SHC2: variants seen among roughly 807,000 people sequenced by gnomAD.
SHC2 encodes the protein SHC-transforming protein 2.
In SHC2, 62 loss-of-function variants were observed where a neutral mutation model predicts 60.6. The ratio of observed to expected loss-of-function variants is 1.02; its 90% CI spans 0.83 to 1.26. The LOEUF (loss-of-function observed/expected upper bound fraction) is 1.26, where lower values mean the gene tolerates loss of function less well. Among genes scored for constraint, SHC2 ranks in the 50% most tolerant of loss-of-function variants. The probability of loss-of-function intolerance (pLI) is 0.00; values close to 1 mark genes in which losing one functional copy is unlikely to be tolerated. For missense variants in SHC2, 873 were observed against 822.2 expected (o/e 1.06, Z -0.76); for synonymous variants, 375 against 372.4 (o/e 1.01, Z -0.08).
At chr19:459,049 T>C (rs1036936941) in intron 1 of SHC2, among the ~76,000 whole-genome samples, 6 of 152,110 alleles carry the variant, frequency 3.9e-5, no homozygotes, top group African/African-American at 1.4e-4. Context: ...AAGTTCCTTC[T>C]CCTTACAGAG....
chr19:425,033 G>T lies in SHC2; in HGVS notation c.1309+64C>A. 7.5e-7 allele frequency: 1 copy of T among 1,331,196 alleles called. No individual in the cohort carries two copies. Among genetic ancestry groups the T allele is most frequent in the Non-Finnish European group, 9.7e-7 (1 of 1,028,494 alleles). The allele number at this position is 1,331,196 out of a possible 1,614,324, so 82.5% of individuals were successfully genotyped here. A position where few individuals can be genotyped will look rare whatever the true frequency, so the allele number is the denominator to read the frequency against. On this transcript the variant is annotated intron_variant, in intron 10 of 12. Coordinates refer to ENST00000264554, the MANE Select transcript of SHC2 (RefSeq NM_012435.3). The surrounding 1 kb of genome is among the most constrained non-coding windows in gnomAD (Gnocchi z 4.1). Reference sequence around the variant, plus strand: ...TCCCGTAGGGAGTGGGGGTGGGGTTGTGCCTCCCCCATCAGACAACACGGC... The same window carrying T: ...TCCCGTAGGGAGTGGGGGTGGGGTTTTGCCTCCCCCATCAGACAACACGGC...
In SHC2 at chr19:440,317, A is replaced by G. The variant is rs1974833236; in HGVS notation, c.539+545T>C. Among the ~76,000 whole-genome samples, 1 of 152,194 alleles carries G rather than the reference A, an allele frequency of 6.6e-6. No homozygotes were observed. Among genetic ancestry groups the G allele is most frequent in the Non-Finnish European group, 1.5e-5 (1 of 68,036 alleles). Reference sequence around the variant, plus strand: ...GATCGTGTGACTCTGTGAAGAGCCTAAAGTCTCAAACTGTACATTATATCT... The same window carrying G: ...GATCGTGTGACTCTGTGAAGAGCCTGAAGTCTCAAACTGTACATTATATCT... On this transcript the variant is annotated intron_variant, in intron 2 of 12. Transcript: ENST00000264554. This position sits in a 1 kb window ranked among gnomAD's most constrained non-coding sequence, Gnocchi z 7.0.
Position 422,465 on chromosome 19 carries a change from C to G in SHC2, c.1310-9G>C. On this transcript the variant is annotated splice_polypyrimidine_tract_variant and intron_variant, in intron 10 of 12. Coordinates refer to ENST00000264554, the MANE Select transcript of SHC2 (RefSeq NM_012435.3). The surrounding 1 kb of genome is among the most constrained non-coding windows in gnomAD (Gnocchi z 5.0). Reference sequence around the variant, plus strand: ...GGCATCCTCAAAGGGTCCTGCAGGCCAGGGACAGGAGTGCTGGGCAGGCAG... The same window carrying G: ...GGCATCCTCAAAGGGTCCTGCAGGCGAGGGACAGGAGTGCTGGGCAGGCAG... 2 of 1,522,630 alleles carry G rather than the reference C, an allele frequency of 1.3e-6. No homozygotes were observed. The highest frequency in any genetic ancestry group is 2.7e-5 in the African/African-American group (2 of 72,972). The allele number at this position is 1,522,630 out of a possible 1,614,324, so 94.3% of individuals were successfully genotyped here.
rs565046514 is a variant in SHC2 at position 456,329 on chromosome 19, G to A, written c.468+4200C>T. Among the ~76,000 whole-genome samples the A allele has an allele frequency of 2.9e-4, 17 of 57,898 alleles. No individual in the cohort carries two copies. The South Asian group carries it at 5.0e-3, about 17-fold the overall frequency. The allele number at this position is 57,898 out of a possible 152,430, so 38.0% of individuals were successfully genotyped here. The stretch of plus-strand genomic sequence containing the variant: ...GGGGACAGCGCTGGGGGCTGAGGCC[G>A]GTCAGGCTCCCTGGGGGCCAGGGCC... On this transcript the variant is annotated intron_variant, in intron 1 of 12. Transcript: ENST00000264554.
chr19:418,940 T>C lies in SHC2; in HGVS notation c.1737A>G (p.Ser579=). The change falls in exon 12 of 13, where the codon TCA becomes TCG. Residue 579 remains serine, a synonymous_variant. Coordinates refer to ENST00000264554, the MANE Select transcript of SHC2 (RefSeq NM_012435.3). ...ESELHLRGVV[S]REP ...CCACACACCTGGCTCAGGGCTCCCGTGAGACCACGCCACGCAGGTGCAGCT... is the reference window on the plus strand; with the variant it reads ...CCACACACCTGGCTCAGGGCTCCCGCGAGACCACGCCACGCAGGTGCAGCT... The C allele has an allele frequency of 6.3e-7, 1 of 1,589,576 alleles. No homozygotes were observed. Among genetic ancestry groups the C allele is most frequent in the African/African-American group, 1.3e-5 (1 of 74,604 alleles).
intron 1 of SHC2, among the ~76,000 whole-genome samples, chr19:455,953 G>A (rs1036641178): frequency 6.9e-5 from 9 of 129,862 alleles, no homozygotes; most frequent in African/African-American, 1.2e-4. Context: ...CACAGAATCC[G>A]AGGGTGGATG....
At chr19:450,885 G>T (rs1442413484) in intron 1 of SHC2, among the ~76,000 whole-genome samples, 1 of 149,510 alleles carries the variant, frequency 6.7e-6, no homozygotes, top group Non-Finnish European at 1.5e-5. Flanking sequence ...CCACGCCGTG[G>T]CCACATCATA....
In SHC2 at chr19:422,137, A is replaced by G; in HGVS notation, c.1620+9T>C. ...TGCCCCGAGACCCTCCCACCTGTGC[A>G]CAGCTTACCACGCCCTCGGGGTCCA... On this transcript the variant is annotated intron_variant, in intron 11 of 12. Transcript: ENST00000264554. The surrounding 1 kb of genome is among the most constrained non-coding windows in gnomAD (Gnocchi z 5.0). The G allele has an allele frequency of 6.3e-7, 1 of 1,591,038 alleles. No individual in the cohort carries two copies. Among genetic ancestry groups the G allele is most frequent in the African/African-American group, 1.4e-5 (1 of 73,096 alleles).
intron 8 of SHC2, among the ~76,000 whole-genome samples, chr19:431,304 G>A (rs1974584854): frequency 1.3e-5 from 2 of 151,100 alleles, no homozygotes; most frequent in Non-Finnish European, 2.9e-5. Flanking sequence ...GTGAGTGAGA[G>A]TTAGAGGAGG....
rs368760115 is a variant in SHC2, at chr19:445,282, C to T, written c.469-4350G>A. On this transcript the variant is annotated intron_variant, in intron 1 of 12. Transcript: ENST00000264554. This position sits in a 1 kb window ranked among gnomAD's most constrained non-coding sequence, Gnocchi z 4.4. ...GGCTATGAGGGCTCCACCCTCAGGA[C>T]TGGGATCAGTGCCCTTATAAAAGAG... Among the ~76,000 whole-genome samples the T allele has an allele frequency of 2.0e-5, 3 of 152,196 alleles. No individual in the cohort carries two copies. In the East Asian group the frequency reaches 5.8e-4, roughly 29 times the overall value.
In SHC2 at chr19:421,397, C is replaced by CA. The variant is rs10582067; in HGVS notation, c.1620+748dup. ...CCGGGGCAACAGTGCGAGACTCCAT[C>CA]AAAAAAAAAAAAAAAAAAAGAAAAG... On this transcript the variant is annotated intron_variant, in intron 11 of 12. Coordinates refer to ENST00000264554, the MANE Select transcript of SHC2 (RefSeq NM_012435.3). Among the ~76,000 whole-genome samples, 744 of 120,094 alleles carry CA rather than the reference C, an allele frequency of 6.2e-3. 6 individuals are homozygous for CA. Among genetic ancestry groups the CA allele is most frequent in the Admixed American group, 0.026 (305 of 11,702 alleles). The allele number at this position is 120,094 out of a possible 152,430, so 78.8% of individuals were successfully genotyped here. A position where few individuals can be genotyped will look rare whatever the true frequency, so the allele number is the denominator to read the frequency against.
chr19:458,587 C>CTT (rs1975443756), intron 1 of SHC2, among the ~76,000 whole-genome samples: 2 of 103,636 alleles, frequency 1.9e-5, no homozygotes, highest in Non-Finnish European at 3.9e-5. Context: ...AAGCGGGTTC[C>CTT]GGGGGACGGG....
chr19:450,640 G>A (rs1248415662), intron 1 of SHC2, among the ~76,000 whole-genome samples: 1 of 152,230 alleles, frequency 6.6e-6, no homozygotes, highest in Non-Finnish European at 1.5e-5. Flanking sequence ...CTCAAGGTCC[G>A]TCCGTGCCGT....
chr19:460,560 AC>A lies in SHC2; in HGVS notation c.436del (p.Val146SerfsTer33). 1 of 1,412,116 alleles carries A rather than the reference AC, an allele frequency of 7.1e-7. No homozygotes were observed. Among genetic ancestry groups the A allele is most frequent in the East Asian group, 3.2e-5 (1 of 31,326 alleles). The allele number at this position is 1,412,116 out of a possible 1,614,324, so 87.5% of individuals were successfully genotyped here. On this transcript the variant is annotated frameshift_variant, in exon 1 of 13. Coordinates refer to ENST00000264554, the MANE Select transcript of SHC2 (RefSeq NM_012435.3). LOFTEE classifies it high-confidence loss of function. ...AHGWLHPDAR[V>X]LGPGVSYVVR... is the part of the protein sequence containing the mutation. ...GACGTAGGAGACCCCGGGCCCCAGG[AC>A]CCTGGCGTCGGGGTGTAGCCAGCCG...
intron 1 of SHC2, among the ~76,000 whole-genome samples, chr19:455,310 G>C (rs1329876015): frequency 6.6e-6 from 1 of 152,080 alleles, no homozygotes; most frequent in African/African-American, 2.4e-5. Context: ...ATGACCCAGG[G>C]AAGGGCTCTC....
intron 1 of SHC2, among the ~76,000 whole-genome samples, chr19:442,697 G>A (rs1165034590): frequency 1.0e-5 from 1 of 98,252 alleles, no homozygotes; most frequent in Non-Finnish European, 1.8e-5. Context: ...GTGGGTGGAC[G>A]GGTGGACGGA....
rs1334172043 is a variant in SHC2 at position 430,683 on chromosome 19, C to T, written c.1174+1G>A. On this transcript the variant is annotated splice_donor_variant, in intron 9 of 12. Coordinates refer to ENST00000264554, the MANE Select transcript of SHC2 (RefSeq NM_012435.3). LOFTEE classifies it high-confidence loss of function. ...CCCCTTGCAGCCCCAGCCCATCCTA[C>T]CTGTACCGGTGGACCCCACGTCCCA... is the stretch of plus-strand genomic sequence containing the variant. 1 of 1,612,656 alleles carries T rather than the reference C, an allele frequency of 6.2e-7. No homozygotes were observed. The highest frequency in any genetic ancestry group is 1.3e-5 in the African/African-American group (1 of 74,928).
intron 1 of SHC2, among the ~76,000 whole-genome samples, chr19:448,728 C>T (rs1303849416): frequency 1.3e-5 from 2 of 152,146 alleles, no homozygotes; most frequent in Admixed American, 6.5e-5. Context: ...AACACAACCT[C>T]GACTCAACTG....
intron 1 of SHC2, among the ~76,000 whole-genome samples, chr19:452,921 G>T (rs550097807): frequency 6.6e-6 from 1 of 152,134 alleles, no homozygotes; most frequent in Non-Finnish European, 1.5e-5. Context: ...TGGTGGCCCC[G>T]TTCCCTTCCA....
Sources: gnomAD v4.1 joint callset for allele counts (sites outside exome capture counted in the v4.1 genomes callset) on GRCh38, gnomAD v4.1.1 for gene constraint, Gnocchi (gnomAD v3.1) non-coding constraint, MANE v1.5 for transcripts, NCBI Gene and HGNC (gene_info 2026-07-23, HGNC 2026-07-21) for gene names.